WDFY3: variants seen among roughly 807,000 people sequenced by gnomAD.
The protein encoded by WDFY3 is WD repeat and FYVE domain containing 3.
A neutral mutation model predicts 409.6 loss-of-function variants in WDFY3; 66 were observed. The observed-to-expected ratio is 0.16, with a 90% confidence interval of 0.13 to 0.20. WDFY3 has a LOEUF of 0.20. Among genes scored for constraint, WDFY3 ranks in the 10% least tolerant of loss-of-function variants. The pLI, the probability that WDFY3 is intolerant of heterozygous loss-of-function variation, is 1.00. For synonymous variants in WDFY3, 1,521 were observed against 1,537.1 expected, an observed-to-expected ratio of 0.99 and a Z score of 0.25; for missense variants, 3,031 against 4,298.1, an observed-to-expected ratio of 0.71 and a Z score of 8.24.
chr4:84,720,130 A>G (rs956313299), intron 47 of WDFY3, among the ~76,000 whole-genome samples: 13 of 152,164 alleles, frequency 8.5e-5, no homozygotes, highest in African/African-American at 3.1e-4. Flanking sequence ...GACCTGTGTA[A>G]GGCAATGAGA....
chr4:84,713,434 A>G (rs1301751921), intron 50 of WDFY3, among the ~76,000 whole-genome samples, 195 bp from the exon 51 acceptor site: 1 of 152,240 alleles, frequency 6.6e-6, no homozygotes, highest in Non-Finnish European at 1.5e-5. Flanking sequence ...ACTGAAAACA[A>G]TAGCACCTTT....
chr4:84,939,397 C>T (rs1579212560), intron 1 of WDFY3, among the ~76,000 whole-genome samples: 1 of 151,968 alleles, frequency 6.6e-6, no homozygotes, highest in African/African-American at 2.4e-5. Flanking sequence ...GCAATTAGTA[C>T]ACAGTCTGTG....
chr4:84,829,157 A>G lies in WDFY3; in HGVS notation c.803T>C (p.Met268Thr). The change falls in exon 9 of 68, where the codon ATG (methionine) becomes ACG (threonine). Residue 268 changes from methionine (M) to threonine (T), a missense_variant. By Grantham distance (81) the Met-to-Thr change is moderately conservative. Coordinates refer to ENST00000295888, the MANE Select transcript of WDFY3 (RefSeq NM_014991.6). ...KECLSTCVQNMQQSDDLSPLE... is the reference protein window; with the variant it reads ...KECLSTCVQNTQQSDDLSPLE... ...GGGAGACAGGTCATCTGATTGCTGC[A>G]TATTCTGAACACATGTAGATAAACA... is the stretch of plus-strand genomic sequence containing the variant. 6.2e-7 allele frequency: 1 copy of G among 1,610,738 alleles called. No individual in the cohort carries two copies. Among genetic ancestry groups the G allele is most frequent in the Middle Eastern group, 1.7e-4 (1 of 6,044 alleles).
intron 1 of WDFY3, among the ~76,000 whole-genome samples, chr4:84,954,513 T>C (rs1046179405): frequency 6.6e-6 from 1 of 152,168 alleles, no homozygotes; most frequent in Admixed American, 6.5e-5. Flanking sequence ...AATTTATCTA[T>C]AAATTTATAG....
At chr4:84,881,318 A>G (rs1188743914) in intron 3 of WDFY3, among the ~76,000 whole-genome samples, 1 of 152,162 alleles carries the variant, frequency 6.6e-6, no homozygotes, top group Non-Finnish European at 1.5e-5. Context: ...TCTTAAATCT[A>G]AAGAATAAGA....
At chr4:84,691,846 T>G in intron 59 of WDFY3, 61 bp from the exon 60 acceptor site, 1 of 1,416,202 alleles carries the variant, frequency 7.1e-7, no homozygotes, top group Non-Finnish European at 9.6e-7. Context: ...CATTATCTCA[T>G]AGAGCATGAT....
At chr4:84,741,157 T>G (rs1279593185) in intron 38 of WDFY3, among the ~76,000 whole-genome samples, 1 of 152,184 alleles carries the variant, frequency 6.6e-6, no homozygotes, top group Non-Finnish European at 1.5e-5. Context: ...TACACATGGA[T>G]GTAGTATACA....
intron 1 of WDFY3, among the ~76,000 whole-genome samples, chr4:84,936,927 C>A (rs887501210): frequency 6.6e-6 from 1 of 151,976 alleles, no homozygotes; most frequent in East Asian, 1.9e-4. Flanking sequence ...TCTAGGAAAT[C>A]CCACTTCTCT....
intron 23 of WDFY3, 141 bp downstream of exon 23, chr4:84,787,341 G>T: frequency 1.3e-6 from 1 of 745,172 alleles, no homozygotes; most frequent in Non-Finnish European, 2.2e-6. Flanking sequence ...TTCAATAGGA[G>T]TGAGTATCCT....
chr4:84,926,939 T>C lies in WDFY3; in HGVS notation c.-132+5331A>G, dbSNP rs189931025. ...CATACCAAAAGAAAGTCTTAAATTT[T>C]TGTATGATTTCTGCTAACCCTGCTA... On this transcript the variant is annotated intron_variant, in intron 2 of 67. Coordinates refer to ENST00000295888, the MANE Select transcript of WDFY3 (RefSeq NM_014991.6). Among the ~76,000 whole-genome samples, 44 of 152,312 alleles carry C rather than the reference T, an allele frequency of 2.9e-4. 1 individual carries two copies. In the East Asian group the frequency reaches 7.5e-3, roughly 26 times the overall value.
At chr4:84,776,838 A>G (rs549158364) in intron 27 of WDFY3, among the ~76,000 whole-genome samples, 1 of 152,072 alleles carries the variant, frequency 6.6e-6, no homozygotes, top group African/African-American at 2.4e-5. Flanking sequence ...AAAATCACTG[A>G]AAGTCCTTGA....
intron 2 of WDFY3, among the ~76,000 whole-genome samples, chr4:84,927,251 C>T (rs959880442): frequency 1.4e-4 from 21 of 152,034 alleles, no homozygotes; most frequent in African/African-American, 5.1e-4. Context: ...TTAAAAACAA[C>T]CTTTTCTCCA....
chr4:84,782,955 C>A lies in WDFY3; in HGVS notation c.4174+8G>T, dbSNP rs180774894. The A allele has an allele frequency of 3.6e-4, 573 of 1,609,716 alleles. 6 individuals are homozygous for A. In the East Asian group the frequency reaches 7.8e-3, roughly 22 times the overall value. ...GAAGTTTGAAACAACAAAGATAAGTCCACTCACCCAAGTATCCAATCAGAG... is the reference window on the plus strand; with the variant it reads ...GAAGTTTGAAACAACAAAGATAAGTACACTCACCCAAGTATCCAATCAGAG... On this transcript the variant is annotated splice_region_variant and intron_variant, in intron 25 of 67. Coordinates refer to ENST00000295888, the MANE Select transcript of WDFY3 (RefSeq NM_014991.6).
In WDFY3 at chr4:84,766,241, G is replaced by A; in HGVS notation, c.4970+11C>T. The A allele has an allele frequency of 1.3e-6, 2 of 1,569,890 alleles. No individual in the cohort carries two copies. Among genetic ancestry groups the A allele is most frequent in the Non-Finnish European group, 1.7e-6 (2 of 1,159,312 alleles). Reference sequence around the variant, plus strand: ...AACTGGTATAATCACTTTTAAAAAAGATTTACTTACTGCAAATTAATGCTT... The same window carrying A: ...AACTGGTATAATCACTTTTAAAAAAAATTTACTTACTGCAAATTAATGCTT... On this transcript the variant is annotated intron_variant, in intron 31 of 67. Transcript: ENST00000295888.
At chr4:84,760,128 C>T (rs960103137) in intron 32 of WDFY3, among the ~76,000 whole-genome samples, 42 of 151,624 alleles carry the variant, frequency 2.8e-4, no homozygotes, top group Admixed American at 7.9e-4. Flanking sequence ...ATATATTGAA[C>T]CAGCCTTGCA....
chr4:84,757,112 A>G lies in WDFY3; in HGVS notation c.5238T>C (p.Ile1746=). ...CAGGAAAATGACAAGCATCTCGGTT[A>G]ATCTCCCTGACCGTCGATCTCCCAC... ...SAGGRSTVRE[I]NRDACHFPGF... Residue 1746 remains isoleucine (I), a synonymous_variant, in exon 33 of 68, where the codon ATT becomes ATC. Transcript: ENST00000295888. The G allele has an allele frequency of 6.2e-7, 1 of 1,614,052 alleles. No individual in the cohort carries two copies. The highest frequency in any genetic ancestry group is 8.5e-7 in the Non-Finnish European group (1 of 1,179,960).
At chr4:84,701,662 A>G (rs1477605806) in intron 56 of WDFY3, among the ~76,000 whole-genome samples, 2 of 152,230 alleles carry the variant, frequency 1.3e-5, no homozygotes, top group Non-Finnish European at 1.5e-5. Context: ...AACTGTAACC[A>G]AAGTCAAATC....
At chr4:84,855,384 T>C (rs777135087) in intron 4 of WDFY3, among the ~76,000 whole-genome samples, 24 of 152,208 alleles carry the variant, frequency 1.6e-4, no homozygotes, top group Non-Finnish European at 2.5e-4. Context: ...AAAAATAGCA[T>C]GGTTTGACTT....
intron 56 of WDFY3, among the ~76,000 whole-genome samples, chr4:84,701,969 A>G (rs1192524458): frequency 2.0e-5 from 3 of 152,206 alleles, no homozygotes; most frequent in African/African-American, 7.2e-5. Context: ...CTCTGTTTTC[A>G]TCAAAACAAC....
Sources: gnomAD v4.1 joint callset for allele counts (sites outside exome capture counted in the v4.1 genomes callset) on GRCh38, gnomAD v4.1.1 for gene constraint, MANE v1.5 for transcripts, NCBI Gene and HGNC (gene_info 2026-07-23, HGNC 2026-07-21) for gene names.